Variants in YJU2B observed in about 807,000 individuals in gnomAD.
The protein encoded by YJU2B is probable splicing factor YJU2B.
A neutral mutation model predicts 38.0 loss-of-function variants in YJU2B; 18 were observed. The observed-to-expected ratio is 0.47, with a 90% CI of 0.33 to 0.70. YJU2B has a LOEUF of 0.70. Ranked by LOEUF, YJU2B falls within the 30% of genes least tolerant of loss-of-function variation. YJU2B has a pLI of 0.02. For synonymous variants in YJU2B, 246 were observed against 225.4 expected, an observed-to-expected ratio of 1.09 and a Z score of -0.82; for missense variants, 538 against 556.3, an observed-to-expected ratio of 0.97 and a Z score of 0.33.
chr19:13,762,064 G>A (rs1029636058), intron 8 of YJU2B, among the ~76,000 whole-genome samples: 2 of 152,112 alleles, frequency 1.3e-5, no homozygotes, highest in African/African-American at 4.8e-5. Context: ...GCGTGGTGGT[G>A]CACATCTGTA....
upstream of YJU2B, among the ~76,000 whole-genome samples, chr19:13,743,992 G>A (rs544481578): frequency 2.0e-5 from 3 of 152,176 alleles, no homozygotes; most frequent in African/African-American, 7.2e-5. Context: ...AGGAGTTCAA[G>A]CCAGCCTGGC....
At chr19:13,734,087 T>G (rs1001767880) in intron 2 of YJU2B, among the ~76,000 whole-genome samples, 2 of 151,796 alleles carry the variant, frequency 1.3e-5, no homozygotes, top group African/African-American at 4.8e-5. Context: ...ACCACCCTGC[T>G]TGGCTAATTT....
rs149952088 is a variant in YJU2B, at chr19:13,759,245, C to T, written c.546C>T (p.Leu182=). 1.9e-6 allele frequency: 3 copies of T among 1,611,778 alleles called. No individual in the cohort carries two copies. The highest frequency in any genetic ancestry group is 2.5e-6 in the Non-Finnish European group (3 of 1,178,964). Residue 182 remains leucine, a synonymous_variant, in exon 8 of 10, where the codon CTC becomes CTT. Coordinates refer to ENST00000221554, the MANE Select transcript of YJU2B (RefSeq NM_030818.4). ...AQSAWKDDFA[L]NSMLRRRFRE... is the part of the protein sequence containing the mutation. ...GCGCCTGGAAGGACGACTTCGCCCT[C>T]AACAGCATGCTGCGGAGAAGGTTCC...
chr19:13,736,486 T>G (rs1007624099), intron 2 of YJU2B, among the ~76,000 whole-genome samples: 1 of 151,622 alleles, frequency 6.6e-6, no homozygotes, highest in Non-Finnish European at 1.5e-5. Context: ...TCTTGAACTC[T>G]GGACCTCAAA....
At chr19:13,762,252 A>G (rs573815055) in intron 8 of YJU2B, 47 bp from the exon 9 acceptor site, 14 of 1,600,174 alleles carry the variant, frequency 8.7e-6, no homozygotes, top group Admixed American at 1.8e-5. Flanking sequence ...CAGAAGAGAC[A>G]GGGCTTTGAC....
At chr19:13,751,919 C>T (rs576989344) in intron 2 of YJU2B, 108 bp downstream of exon 2, 75 of 1,088,704 alleles carry the variant, frequency 6.9e-5, no homozygotes, top group African/African-American at 9.3e-5. Context: ...TTTCAATCTC[C>T]GGGTCATCAT....
upstream of YJU2B, among the ~76,000 whole-genome samples, chr19:13,743,307 C>T (rs1014378847): frequency 1.4e-4 from 22 of 152,206 alleles, no homozygotes; most frequent in African/African-American, 4.6e-4. Flanking sequence ...AGGCAGGGCA[C>T]GGTGGCTCAC....
At chr19:13,745,700 T>G (rs56074077), upstream of YJU2B, among the ~76,000 whole-genome samples, 832 of 104,276 alleles carry the variant, frequency 8.0e-3, 3 homozygotes, top group African/African-American at 0.019. Flanking sequence ...GATATAGATA[T>G]ATAGATATCT....
At chr19:13,733,119 C>T (rs1282144578) in intron 2 of YJU2B, among the ~76,000 whole-genome samples, 5 of 150,906 alleles carry the variant, frequency 3.3e-5, no homozygotes, top group East Asian at 4.0e-4. Flanking sequence ...TTAGTAGAGA[C>T]GGGGTTTCAT....
chr19:13,734,425 G>T (rs1181454573), intron 2 of YJU2B, among the ~76,000 whole-genome samples: 1 of 151,956 alleles, frequency 6.6e-6, no homozygotes, highest in Non-Finnish European at 1.5e-5. Context: ...CAAGTAGCTG[G>T]GATTACAGGG....
chr19:13,751,774 G>GT lies in YJU2B; in HGVS notation c.-35_-34insT. 1 of 1,613,680 alleles carries GT rather than the reference G, an allele frequency of 6.2e-7. No individual in the cohort carries two copies. The highest frequency in any genetic ancestry group is 8.5e-7 in the Non-Finnish European group (1 of 1,179,620). ...TCACAAGGCCAGTTTCTGATCGTCCGCCCCGAGGCTGAGGACCAGTAGGCA... is the reference window on the plus strand; with the variant it reads ...TCACAAGGCCAGTTTCTGATCGTCCGTCCCCGAGGCTGAGGACCAGTAGGCA... On this transcript the variant is annotated 5_prime_UTR_variant, in exon 2 of 10. Transcript: ENST00000221554.
In YJU2B at chr19:13,741,273, G is replaced by T. The variant is rs1204107190; in HGVS notation, c.-202+8988G>T. On this transcript the variant is annotated intron_variant, in intron 2 of 10. Coordinates refer to the YJU2B transcript ENST00000586600. ...GGGTTCAAGTGATTCTCCTGCCTCA[G>T]CCTCCTGAGTAGCTGGGATTACAGG... is the stretch of plus-strand genomic sequence containing the variant. Among the ~76,000 whole-genome samples, 3 of 150,540 alleles carry T rather than the reference G, an allele frequency of 2.0e-5. No individual in the cohort carries two copies. The South Asian group carries it at 6.3e-4, about 31-fold the overall frequency.
chr19:13,743,903 A>G (rs915940481), upstream of YJU2B, among the ~76,000 whole-genome samples: 1 of 150,410 alleles, frequency 6.6e-6, no homozygotes, highest in African/African-American at 2.5e-5. Flanking sequence ...AAAGAAAAAG[A>G]AAAAAATAGG....
At chr19:13,754,257 T>C in intron 2 of YJU2B, 32 bp from the exon 3 acceptor site, 1 of 1,590,844 alleles carries the variant, frequency 6.3e-7, no homozygotes, top group Non-Finnish European at 8.6e-7. Flanking sequence ...TATCAGCCTC[T>C]CTCTGAGTCA....
upstream of YJU2B, among the ~76,000 whole-genome samples, chr19:13,744,186 CAAAAA>C (rs561659940): frequency 7.3e-6 from 1 of 137,174 alleles, no homozygotes; most frequent in Non-Finnish European, 1.6e-5. Flanking sequence ...GACTTAGTCT[CAAAAA>C]AAAAAAGAAA....
chr19:13,734,447 C>T lies in YJU2B; in HGVS notation c.-202+2162C>T, dbSNP rs150690591. 6.1e-3 allele frequency among the ~76,000 whole-genome samples: 931 copies of T among 152,188 alleles called. 8 individuals carry two copies. The highest frequency in any genetic ancestry group is 0.022 in the African/African-American group (897 of 41,530). On this transcript the variant is annotated intron_variant, in intron 2 of 10. Coordinates refer to the YJU2B transcript ENST00000586600. ...CTGGGATTACAGGGACACACCACCA[C>T]GTCTGGCTATTTTTGTATTTTTAGT...
chr19:13,762,422 T>C lies in YJU2B; in HGVS notation c.697T>C (p.Phe233Leu), dbSNP rs1973927361. Residue 233 changes from phenylalanine (F) to leucine (L), a missense_variant, in exon 9 of 10, where the codon TTC (phenylalanine) becomes CTC (leucine). Physicochemically the swap from Phe to Leu is conservative, Grantham distance 22. Transcript: ENST00000221554. ...CCGCAAGCTGGCGGCTCTGCTGAAGTTCCACACCCTGGACTGTGCGTAGGA... is the reference window on the plus strand; with the variant it reads ...CCGCAAGCTGGCGGCTCTGCTGAAGCTCCACACCCTGGACTGTGCGTAGGA... ...DDRKLAALLK[F>L]HTLDSYEDKQ... is the part of the protein sequence containing the mutation. 1.9e-6 allele frequency: 3 copies of C among 1,612,564 alleles called. No individual in the cohort carries two copies. Among genetic ancestry groups the C allele is most frequent in the East Asian group, 2.2e-5 (1 of 44,828 alleles).
At chr19:13,736,774 G>C (rs1365343422) in intron 2 of YJU2B, among the ~76,000 whole-genome samples, 1 of 151,932 alleles carries the variant, frequency 6.6e-6, no homozygotes, top group Admixed American at 6.6e-5. Context: ...GCTCACGCCT[G>C]TCGTCCCAGC....
rs778860687 is a variant in YJU2B at position 13,757,820 on chromosome 19, C to T, written c.231C>T (p.Gly77=). The T allele has an allele frequency of 1.9e-6, 3 of 1,613,934 alleles. No homozygotes were observed. Among genetic ancestry groups the T allele is most frequent in the African/African-American group, 1.3e-5 (1 of 74,910 alleles). The stretch of plus-strand genomic sequence containing the variant: ...ACAATGCAGAAAAGAAGAAGGTGGG[C>T]AATTACTACACAACCCCGATCTACA... The part of the protein sequence containing the change: ...VRYNAEKKKV[G]NYYTTPIYRF... The change falls in exon 6 of 10, where the codon GGC becomes GGT. Residue 77 remains glycine (G), a synonymous_variant. Transcript: ENST00000221554.
Sources: allele counts gnomAD v4.1 joint callset (sites outside exome capture counted in the v4.1 genomes callset), GRCh38; gene constraint gnomAD v4.1.1; transcripts MANE v1.5; gene names NCBI Gene and HGNC (gene_info 2026-07-23, HGNC 2026-07-21).